The following CENPE variants were observed in gnomAD, a reference collection of about 807,000 sequenced individuals.
CENPE encodes the protein centromere-associated protein E.
A neutral mutation model predicts 336.1 loss-of-function variants in CENPE; 145 were observed. That is an observed-to-expected ratio of 0.43 (90% CI 0.38 to 0.50). The LOEUF (loss-of-function observed/expected upper bound fraction) is 0.50, where lower values mean the gene tolerates loss of function less well. Among genes scored for constraint, CENPE ranks in the 20% least tolerant of loss-of-function variants. CENPE has a pLI of 0.00. For synonymous variants in CENPE, 1,013 were observed against 984.8 expected, an observed-to-expected ratio of 1.03 and a Z score of -0.54; for missense variants, 2,719 against 3,023.3, an observed-to-expected ratio of 0.90 and a Z score of 2.36.
Position 103,110,996 on chromosome 4 carries a change from G to T in CENPE, c.7556C>A (p.Thr2519Asn). ...GGGTTTATTTGAAGGCTGAGGATCA[G>T]TATGTTCTGATATCACTGTGGGAGG... ...AQDTSVISEHTDPQPSNKPLT... is the reference protein window; with the variant it reads ...AQDTSVISEHNDPQPSNKPLT... The change falls in exon 47 of 49, where the codon ACT becomes AAT. Residue 2519 changes from threonine to asparagine, a missense_variant. Around this residue, in one of 5 missense-constraint regions of CENPE, gnomAD observed 2,437 missense variants for 2,513.3 expected, o/e 0.97. Coordinates refer to ENST00000265148, the MANE Select transcript of CENPE (RefSeq NM_001813.3). 1.3e-6 allele frequency: 2 copies of T among 1,596,686 alleles called. No homozygotes were observed. The highest frequency in any genetic ancestry group is 2.3e-5 in the South Asian group (2 of 87,610).
chr4:103,197,641 G>T (rs1043088129), intron 1 of CENPE, among the ~76,000 whole-genome samples: 1 of 152,200 alleles, frequency 6.6e-6, no homozygotes. Flanking sequence ...GAAGCAAACC[G>T]ATTTCATTTA....
chr4:103,155,792 C>T (rs1361648756), intron 24 of CENPE, among the ~76,000 whole-genome samples: 1 of 152,096 alleles, frequency 6.6e-6, no homozygotes, highest in Non-Finnish European at 1.5e-5. Flanking sequence ...GGGGAAAATG[C>T]AGCTCATTTT....
At chr4:103,132,010 A>T (rs763885674) in intron 42 of CENPE, among the ~76,000 whole-genome samples, 13 of 152,172 alleles carry the variant, frequency 8.5e-5, no homozygotes, top group Non-Finnish European at 1.9e-4. Flanking sequence ...ATTACTCTGT[A>T]TGATACTGTA....
chr4:103,129,312 C>T (rs1409742498), intron 42 of CENPE, among the ~76,000 whole-genome samples: 1 of 152,018 alleles, frequency 6.6e-6, no homozygotes, highest in Admixed American at 6.6e-5. Context: ...AAAACTATAC[C>T]CATTCTCTAC....
intron 16 of CENPE, among the ~76,000 whole-genome samples, chr4:103,168,202 G>C (rs7672974): frequency 0.16 from 24,100 of 152,062 alleles, 2,324 homozygotes; most frequent in Non-Finnish European, 0.2. Flanking sequence ...TAGACTGAAG[G>C]GGCCCTGTCT....
At chr4:103,174,167 C>G (rs1411844762) in intron 16 of CENPE, among the ~76,000 whole-genome samples, 1 of 148,870 alleles carries the variant, frequency 6.7e-6, no homozygotes, top group Admixed American at 6.8e-5. Context: ...TATTCTTCAG[C>G]TATTTAAAAA....
intron 2 of CENPE, 116 bp downstream of exon 2, chr4:103,196,643 G>T: frequency 1.6e-6 from 1 of 627,074 alleles, no homozygotes; most frequent in Non-Finnish European, 2.8e-6. Flanking sequence ...CAGTGAAGCA[G>T]TTTATAGAAG....
In CENPE at chr4:103,158,688, G is replaced by C. The variant is rs1395659079; in HGVS notation, c.2800C>G (p.Leu934Val). ...TGCAAGCTTTCTTGGAGTTGTTTTA[G>C]ATCATCTTTTTCTTGAGTTAAAGTT... Reference protein sequence around the residue: ...VKTLTQEKDDLKQLQESLQIE... With the variant: ...VKTLTQEKDDVKQLQESLQIE... The change falls in exon 23 of 49, where the codon CTA becomes GTA. Residue 934 changes from leucine (L) to valine (V), a missense_variant. Transcript: ENST00000265148. 1 of 1,612,492 alleles carries C rather than the reference G, an allele frequency of 6.2e-7. No homozygotes were observed. Among genetic ancestry groups the C allele is most frequent in the East Asian group, 2.2e-5 (1 of 44,814 alleles).
rs1216555324 is a variant in CENPE, at chr4:103,161,086, C to T, written c.2131G>A (p.Asp711Asn). ...TSLIDGKVPK[D>N]LLCNLELEGK... ...AAAGATGTTTAAAATTACAAAATAC[C>T]TTTTGGAACTTTGCCATCTATAAGG... The change falls in exon 20 of 49, where the codon GAT becomes AAT. Residue 711 changes from aspartate to asparagine, a missense_variant and splice_region_variant. Coordinates refer to ENST00000265148, the MANE Select transcript of CENPE (RefSeq NM_001813.3). 1 of 1,575,918 alleles carries T rather than the reference C, an allele frequency of 6.3e-7. No individual in the cohort carries two copies. The highest frequency in any genetic ancestry group is 1.4e-5 in the African/African-American group (1 of 72,934).
intron 44 of CENPE, among the ~76,000 whole-genome samples, chr4:103,117,735 C>T (rs1490229549): frequency 6.7e-6 from 1 of 148,624 alleles, no homozygotes; most frequent in Non-Finnish European, 1.5e-5. Flanking sequence ...TCAAGCGATT[C>T]TCCTGCCTCA....
chr4:103,120,326 C>T lies in CENPE; in HGVS notation c.7151G>A (p.Arg2384Gln), dbSNP rs146344166. 5.6e-6 allele frequency: 9 copies of T among 1,604,628 alleles called. No individual in the cohort carries two copies. The highest frequency in any genetic ancestry group is 2.2e-5 in the East Asian group (1 of 44,600). Residue 2384 changes from arginine to glutamine, a missense_variant, in exon 44 of 49, where the codon CGA (arginine) becomes CAA (glutamine). Coordinates refer to ENST00000265148, the MANE Select transcript of CENPE (RefSeq NM_001813.3). ...RATQLTTEKI[R>Q]ELENSLHEAK... is the part of the protein sequence containing the mutation. ...TTCATGCAGTGAATTTTCCAGCTCT[C>T]GAATTTTCTATTAGAAAAAGCACAC...
chr4:103,148,306 C>T lies in CENPE; in HGVS notation c.3843+538G>A, dbSNP rs563408528. 7.9e-5 allele frequency among the ~76,000 whole-genome samples: 12 copies of T among 152,262 alleles called. No individual in the cohort carries two copies. The South Asian group carries it at 2.5e-3, about 32-fold the overall frequency. On this transcript the variant is annotated intron_variant, in intron 28 of 48. Coordinates refer to ENST00000265148, the MANE Select transcript of CENPE (RefSeq NM_001813.3). Reference sequence around the variant, plus strand: ...TATATCCCAATAAATGTATGATCTCCATTTTCAGATGGGCTCCAATGCTAT... The same window carrying T: ...TATATCCCAATAAATGTATGATCTCTATTTTCAGATGGGCTCCAATGCTAT...
chr4:103,146,212 C>T (rs1753045053), intron 29 of CENPE, 105 bp from the exon 30 acceptor site: 1 of 1,007,274 alleles, frequency 9.9e-7, no homozygotes, highest in South Asian at 1.7e-5. Flanking sequence ...GATTCAGTGC[C>T]TCATTTACAG....
chr4:103,106,312 C>T lies in CENPE; in HGVS notation c.8016G>A (p.Val2672=). ...DNSSLGLCPE[V]QNAGAESVDS... ...CCACACTCTCTGCTCCTGCATTTTG[C>T]ACCTCTGAGAAAGAAAATGAAAACA... Residue 2672 remains valine (V), a synonymous_variant, in exon 49 of 49, where the codon GTG becomes GTA. Transcript: ENST00000265148. 2 of 1,584,190 alleles carry T rather than the reference C, an allele frequency of 1.3e-6. No homozygotes were observed. Among genetic ancestry groups the T allele is most frequent in the Non-Finnish European group, 1.7e-6 (2 of 1,163,088 alleles).
chr4:103,138,764 G>A (rs549945779), intron 38 of CENPE, among the ~76,000 whole-genome samples: 347 of 152,202 alleles, frequency 2.3e-3, no homozygotes, highest in Non-Finnish European at 3.6e-3. Context: ...AGCACTTTAG[G>A]AGATCGAGGC....
rs776414892 is a variant in CENPE at position 103,145,225 on chromosome 4, T to TA, written c.4681_4682insT (p.Asp1561ValfsTer10). 6.2e-7 allele frequency: 1 copy of TA among 1,613,858 alleles called. No individual in the cohort carries two copies. Among genetic ancestry groups the TA allele is most frequent in the Admixed American group, 1.7e-5 (1 of 60,026 alleles). On this transcript the variant is annotated frameshift_variant, in exon 32 of 49. Coordinates refer to ENST00000265148, the MANE Select transcript of CENPE (RefSeq NM_001813.3). LOFTEE classifies it high-confidence loss of function. ...ACTTTCTATACTTTGTAGTGCTGAATCCTTGGCTTTGCGATGCTCCTTGAA... is the reference window on the plus strand; with the variant it reads ...ACTTTCTATACTTTGTAGTGCTGAATACCTTGGCTTTGCGATGCTCCTTGAA...
At chr4:103,108,166 T>C (rs1250009483) in intron 48 of CENPE, among the ~76,000 whole-genome samples, 1 of 152,176 alleles carries the variant, frequency 6.6e-6, no homozygotes, top group Admixed American at 6.6e-5. Context: ...TTAGATCTGA[T>C]CTGTTTCCTT....
At chr4:103,127,113 C>CA (rs1491580712) in intron 42 of CENPE, among the ~76,000 whole-genome samples, 2 of 131,766 alleles carry the variant, frequency 1.5e-5, no homozygotes, top group Non-Finnish European at 3.2e-5. Flanking sequence ...AAAAAAAAAA[C>CA]CAAAAAAACC....
intron 25 of CENPE, among the ~76,000 whole-genome samples, chr4:103,151,635 A>C (rs1753582694): frequency 6.6e-6 from 1 of 152,186 alleles, no homozygotes; most frequent in South Asian, 2.1e-4. Flanking sequence ...CTATCATGAG[A>C]GCTTAGCTTA....
Sources: gnomAD v4.1 joint callset for allele counts (sites outside exome capture counted in the v4.1 genomes callset) on GRCh38, gnomAD v4.1.1 for gene constraint, gnomAD v4.1.1 regional missense constraint, MANE v1.5 for transcripts, NCBI Gene and HGNC (gene_info 2026-07-23, HGNC 2026-07-21) for gene names.